Variants in MAP3K5 observed in about 807,000 individuals in gnomAD.
MAP3K5 encodes ASK-1.
A neutral mutation model predicts 158.7 loss-of-function variants in MAP3K5; 56 were observed. The ratio of observed to expected loss-of-function variants is 0.35; its 90% confidence interval spans 0.28 to 0.44. MAP3K5 has a LOEUF of 0.44. MAP3K5 is among the 20% of genes least tolerant of loss of function. The pLI is 1.00. For synonymous variants in MAP3K5, 579 were observed against 601.7 expected (o/e 0.96, Z 0.55); for missense variants, 1,294 against 1,674.8 (o/e 0.77, Z 3.97).
chr6:136,634,729 G>A lies in MAP3K5; in HGVS notation c.2016+2596C>T, dbSNP rs577769489. ...TGAGTAGCTGGGACTACAGGTGCAC[G>A]CCACCATGCTCAGCTAAAGTAGAGA... On this transcript the variant is annotated intron_variant, in intron 14 of 29. Transcript: ENST00000359015. Among the ~76,000 whole-genome samples, 27 of 151,678 alleles carry A rather than the reference G, an allele frequency of 1.8e-4. No homozygotes were observed. In the East Asian group the frequency reaches 3.3e-3, roughly 19 times the overall value.
intron 14 of MAP3K5, chr6:136,636,953 G>A: frequency 9.7e-7 from 1 of 1,027,834 alleles, no homozygotes; most frequent in Non-Finnish European, 1.2e-6. Context: ...GCATATTAAT[G>A]CCTGCCACAA....
At position 136,561,408 on chromosome 6, in the gene MAP3K5, C is replaced by G. The variant is rs534405089; in HGVS notation, c.3987+125G>C. 7.7e-6 allele frequency: 5 copies of G among 646,814 alleles called. No homozygotes were observed. The East Asian group carries it at 1.4e-4, about 18-fold the overall frequency. 40.1% of individuals were successfully genotyped at this position (646,814 alleles called of 1,614,324 possible). A position where few individuals can be genotyped will look rare whatever the true frequency, so the allele number is the denominator to read the frequency against. ...TCACGTGCCTACCCTGGTCTGTAAG[C>G]CTCAGGAGGGCAGGGCTGGGTCTGA... On this transcript the variant is annotated intron_variant, in intron 28 of 29. Coordinates refer to ENST00000359015, the MANE Select transcript of MAP3K5 (RefSeq NM_005923.4).
chr6:136,602,002 G>A, intron 19 of MAP3K5, 23 bp from the exon 20 acceptor site: 1 of 1,602,168 alleles, frequency 6.2e-7, no homozygotes, highest in Non-Finnish European at 8.5e-7. Context: ...TATAAAAAGT[G>A]CAATGTGCCT....
At chr6:136,692,419 T>C (rs1314064440) in intron 7 of MAP3K5, among the ~76,000 whole-genome samples, 1 of 152,212 alleles carries the variant, frequency 6.6e-6, no homozygotes, top group Non-Finnish European at 1.5e-5. Context: ...GACTGTGATT[T>C]CCTGCTAGAG....
At chr6:136,603,588 A>C (rs1213729703) in intron 19 of MAP3K5, among the ~76,000 whole-genome samples, 1 of 152,222 alleles carries the variant, frequency 6.6e-6, no homozygotes, top group Non-Finnish European at 1.5e-5. Context: ...GCCTGGATTC[A>C]AACACTGTAA....
chr6:136,665,474 G>C (rs1779187908), intron 8 of MAP3K5, among the ~76,000 whole-genome samples: 1 of 151,712 alleles, frequency 6.6e-6, no homozygotes, highest in Non-Finnish European at 1.5e-5. Context: ...AGTCTCCCAA[G>C]GAGCTGGAAT....
At chr6:136,757,804 G>A (rs937152561) in intron 1 of MAP3K5, among the ~76,000 whole-genome samples, 4 of 151,824 alleles carry the variant, frequency 2.6e-5, no homozygotes, top group African/African-American at 4.8e-5. Context: ...AGGCTGGTCT[G>A]GAACTCCTGA....
chr6:136,622,769 TATC>T (rs1776865326), intron 15 of MAP3K5, 76 bp downstream of exon 15: 1 of 1,423,724 alleles, frequency 7.0e-7, no homozygotes, highest in South Asian at 1.2e-5. Flanking sequence ...TTCATTAGAA[TATC>T]ATCAAGTATT....
chr6:136,736,192 G>A (rs1338107112), intron 1 of MAP3K5, among the ~76,000 whole-genome samples: 11 of 152,044 alleles, frequency 7.2e-5, no homozygotes, highest in Non-Finnish European at 1.5e-5. Flanking sequence ...GTGGGTGAGC[G>A]CCTGGGAGCT....
chr6:136,768,828 G>T (rs766943157), intron 1 of MAP3K5, among the ~76,000 whole-genome samples: 1 of 151,838 alleles, frequency 6.6e-6, no homozygotes, highest in Non-Finnish European at 1.5e-5. Context: ...CAGGAGAATC[G>T]CTTGAACCCA....
At position 136,611,361 on chromosome 6, in the gene MAP3K5, G is replaced by A. The variant is rs766926246; in HGVS notation, c.2442C>T (p.Tyr814=). 5.0e-6 allele frequency: 8 copies of A among 1,610,220 alleles called. No homozygotes were observed. The highest frequency in any genetic ancestry group is 6.8e-6 in the Non-Finnish European group (8 of 1,176,814). The change falls in exon 18 of 30, where the codon TAC becomes TAT. Residue 814 remains tyrosine, a synonymous_variant. Coordinates refer to ENST00000359015, the MANE Select transcript of MAP3K5 (RefSeq NM_005923.4). ...AGTCAGAGATCTTGAGAACACCACT[G>A]TAGGTATTAATCAACACATTGTCAC... ...IKGDNVLINT[Y]SGVLKISDFG... is the part of the protein sequence containing the mutation.
At chr6:136,623,422 T>C (rs1413294101) in intron 14 of MAP3K5, among the ~76,000 whole-genome samples, 1 of 152,192 alleles carries the variant, frequency 6.6e-6, no homozygotes, top group African/African-American at 2.4e-5. Context: ...ACCGAAAGGC[T>C]TTGGGTAAGA....
intron 2 of MAP3K5, among the ~76,000 whole-genome samples, chr6:136,719,344 T>C (rs1372340146): frequency 6.6e-6 from 1 of 152,008 alleles, no homozygotes; most frequent in Non-Finnish European, 1.5e-5. Flanking sequence ...ATTAAAGGGG[T>C]AAATCTGGAG....
At position 136,681,732 on chromosome 6, in the gene MAP3K5, T is replaced by C. The variant is rs138173322; in HGVS notation, c.1254-12337A>G. Among the ~76,000 whole-genome samples, 568 of 152,238 alleles carry C rather than the reference T, an allele frequency of 3.7e-3. 14 individuals carry two copies. The East Asian group carries it at 0.057, about 15-fold the overall frequency. On this transcript the variant is annotated intron_variant, in intron 7 of 29. Coordinates refer to ENST00000359015, the MANE Select transcript of MAP3K5 (RefSeq NM_005923.4). ...GAGATCGAGGCCATCCTGGCTAACA[T>C]GGTGAAACTCCGTCTCTACTAAAAA...
At chr6:136,591,987 C>T (rs1775407408) in intron 23 of MAP3K5, among the ~76,000 whole-genome samples, 186 bp downstream of exon 23, 1 of 152,170 alleles carries the variant, frequency 6.6e-6, no homozygotes, top group African/African-American at 2.4e-5. Flanking sequence ...AAATCATTTC[C>T]CTATTTTCAT....
At chr6:136,680,861 A>G (rs891906428) in intron 7 of MAP3K5, among the ~76,000 whole-genome samples, 3 of 152,122 alleles carry the variant, frequency 2.0e-5, no homozygotes, top group African/African-American at 2.4e-5. Context: ...ATGGGAAGAG[A>G]TACCCTTGGA....
rs1357010968 is a variant in MAP3K5, at chr6:136,558,885, A to G, written c.3988-9T>C. The G allele has an allele frequency of 2.8e-6, 4 of 1,429,206 alleles. No individual in the cohort carries two copies. The highest frequency in any genetic ancestry group is 3.9e-6 in the Non-Finnish European group (4 of 1,014,548). The allele number at this position is 1,429,206 out of a possible 1,614,324, so 88.5% of individuals were successfully genotyped here. ...TAATCTTCAGCCAAAAACTGTAGAG[A>G]AAGTAGAATATGCACAAAAGATGTT... On this transcript the variant is annotated splice_polypyrimidine_tract_variant and intron_variant, in intron 28 of 29. Transcript: ENST00000359015.
At chr6:136,600,803 A>C (rs1372094017) in intron 21 of MAP3K5, among the ~76,000 whole-genome samples, 1 of 152,184 alleles carries the variant, frequency 6.6e-6, no homozygotes. Context: ...AAAAAATTTA[A>C]GCCATCCCCA....
chr6:136,702,845 G>A (rs781196244), intron 3 of MAP3K5, among the ~76,000 whole-genome samples: 13 of 152,218 alleles, frequency 8.5e-5, no homozygotes, highest in Admixed American at 3.3e-4. Context: ...ACAGGCATGC[G>A]CCACCACACT....
Sources: gnomAD v4.1 joint callset for allele counts (sites outside exome capture counted in the v4.1 genomes callset) on GRCh38, gnomAD v4.1.1 for gene constraint, MANE v1.5 for transcripts, NCBI Gene and HGNC (gene_info 2026-07-23, HGNC 2026-07-21) for gene names.